The following RHBDF2 variants were observed in gnomAD, a reference collection of about 807,000 sequenced individuals.
The protein encoded by RHBDF2 is inactive rhomboid protein 2.
A neutral mutation model predicts 95.2 loss-of-function variants in RHBDF2; 38 were observed. The ratio of observed to expected loss-of-function variants is 0.40; its 90% CI spans 0.31 to 0.52. RHBDF2 has a LOEUF of 0.52. Ranked by LOEUF, RHBDF2 falls within the 20% of genes least tolerant of loss-of-function variation. RHBDF2 has a pLI of 0.56. For missense variants in RHBDF2, 863 were observed against 1,137.7 expected, an observed-to-expected ratio of 0.76 and a Z score of 3.47; for synonymous variants, 442 against 462.0, an observed-to-expected ratio of 0.96 and a Z score of 0.55.
Position 76,489,019 on chromosome 17 carries a change from G to A in RHBDF2, c.-219-1110C>T, listed in dbSNP as rs112829204. Among the ~76,000 whole-genome samples, 1,006 of 149,480 alleles carry A rather than the reference G, an allele frequency of 6.7e-3. 3 individuals carry two copies. Among genetic ancestry groups the A allele is most frequent in the African/African-American group, 0.023 (941 of 40,548 alleles). On this transcript the variant is annotated intron_variant, in intron 1 of 18. Coordinates refer to ENST00000675367, the MANE Select transcript of RHBDF2 (RefSeq NM_001005498.4). Reference sequence around the variant, plus strand: ...GGTGGGCCTGTAATCCCAGCTACTCGGGAGGCTGAGGCAGGAGAGTTACTT... The same window carrying A: ...GGTGGGCCTGTAATCCCAGCTACTCAGGAGGCTGAGGCAGGAGAGTTACTT...
chr17:76,476,537 G>C, intron 9 of RHBDF2: 1 of 381,972 alleles, frequency 2.6e-6, no homozygotes, highest in South Asian at 3.8e-5. Flanking sequence ...TTTAGGGCCT[G>C]CAGGCAGTGA....
Position 76,471,550 on chromosome 17 carries a change from C to T in RHBDF2, c.*83G>A. On this transcript the variant is annotated 3_prime_UTR_variant, in exon 19 of 19. Transcript: ENST00000675367. Reference sequence around the variant, plus strand: ...GTCTTGGGTCTCTGGCTCTCTGGCACACAGAGAGCGCTCTGCAGAGGGCAG... The same window carrying T: ...GTCTTGGGTCTCTGGCTCTCTGGCATACAGAGAGCGCTCTGCAGAGGGCAG... The T allele has an allele frequency of 2.1e-6, 3 of 1,404,312 alleles. No individual in the cohort carries two copies. The highest frequency in any genetic ancestry group is 2.8e-6 in the Non-Finnish European group (3 of 1,054,484). 87.0% of individuals were successfully genotyped at this position (1,404,312 alleles called of 1,614,324 possible). A position where few individuals can be genotyped will look rare whatever the true frequency, so the allele number is the denominator to read the frequency against.
chr17:76,473,022 A>G lies in RHBDF2; in HGVS notation c.1893T>C (p.Ser631=). The part of the protein sequence containing the change: ...VPDQFYRLWL[S]LFLHAGVVHC... ...CCTCTTACCCAGCATGTAGGAAGAG[A>G]GACAGCCAGAGCCTGTAGAACTGAT... Residue 631 remains serine, a synonymous_variant, in exon 17 of 19, where the codon TCT becomes TCC. Coordinates refer to ENST00000675367, the MANE Select transcript of RHBDF2 (RefSeq NM_001005498.4). The G allele has an allele frequency of 6.2e-7, 1 of 1,613,800 alleles. No individual in the cohort carries two copies. Among genetic ancestry groups the G allele is most frequent in the Non-Finnish European group, 8.5e-7 (1 of 1,179,710 alleles).
At chr17:76,481,250 C>A (rs970813946) in intron 3 of RHBDF2, 125 bp downstream of exon 3, 58 of 1,131,682 alleles carry the variant, frequency 5.1e-5, no homozygotes, top group South Asian at 1.6e-4. Context: ...GAGTCAAGGG[C>A]TGCACAGACA....
chr17:76,482,642 G>A (rs1210200724), intron 2 of RHBDF2, among the ~76,000 whole-genome samples: 8 of 151,968 alleles, frequency 5.3e-5, no homozygotes, highest in Non-Finnish European at 1.0e-4. Flanking sequence ...GTGTGGTGGC[G>A]CATGCCTATA....
chr17:76,479,643 A>T, intron 4 of RHBDF2, 90 bp downstream of exon 4: 1 of 971,608 alleles, frequency 1.0e-6, no homozygotes, highest in Non-Finnish European at 1.6e-6. Flanking sequence ...CAGAGAGGGG[A>T]CGCAGGGACC....
In RHBDF2 at chr17:76,473,415, A is replaced by G. The variant is rs2073654018; in HGVS notation, c.1734-88T>C. The stretch of plus-strand genomic sequence containing the variant: ...CCAGAGCCCAGCACCTGGCTACAGG[A>G]GGCATCGCTGGCAGGAAGGGGGATG... On this transcript the variant is annotated intron_variant, in intron 15 of 18. Transcript: ENST00000675367. The G allele has an allele frequency of 2.4e-6, 3 of 1,264,402 alleles. No homozygotes were observed. In the South Asian group the frequency reaches 3.8e-5, roughly 16 times the overall value. 78.3% of individuals were successfully genotyped at this position (1,264,402 alleles called of 1,614,324 possible).
Position 76,474,797 on chromosome 17 carries a change from C to T in RHBDF2, c.1235G>A (p.Arg412Gln), listed in dbSNP as rs377416669. Residue 412 changes from arginine (R) to glutamine (Q), a missense_variant, in exon 11 of 19, where the codon CGG becomes CAG. Arg to Gln is a conservative substitution (Grantham distance 43). Coordinates refer to ENST00000675367, the MANE Select transcript of RHBDF2 (RefSeq NM_001005498.4). ...AQHVTTQLVL[R>Q]NKGVYESVKY... ...CACGCTCTCGTACACACCTTTGTTC[C>T]GCAGCACCTATCGTGGAGGTAGCAC... The T allele has an allele frequency of 7.4e-6, 12 of 1,613,940 alleles. No individual in the cohort carries two copies. The highest frequency in any genetic ancestry group is 4.4e-5 in the South Asian group (4 of 91,056).
At chr17:76,473,128 C>T (rs1310758592) in intron 16 of RHBDF2, 23 bp from the exon 17 acceptor site, 1 of 1,605,810 alleles carries the variant, frequency 6.2e-7, no homozygotes, top group Non-Finnish European at 8.5e-7. Context: ...ATATGGTGCT[C>T]AGCGCCCCAG....
chr17:76,472,902 G>A, intron 17 of RHBDF2, 63 bp from the exon 18 acceptor site: 1 of 1,578,424 alleles, frequency 6.3e-7, no homozygotes, highest in Non-Finnish European at 8.6e-7. Flanking sequence ...GTAGGCTTCG[G>A]CAGGTTGGGC....
At chr17:76,478,680 C>T in intron 6 of RHBDF2, 126 bp downstream of exon 6, 1 of 794,922 alleles carries the variant, frequency 1.3e-6, no homozygotes, top group South Asian at 1.9e-5. Flanking sequence ...AGCACATCCA[C>T]TGTCCTTGGC....
At chr17:76,497,909 C>T (rs923955511) in intron 1 of RHBDF2, among the ~76,000 whole-genome samples, 1 of 152,102 alleles carries the variant, frequency 6.6e-6, no homozygotes, top group African/African-American at 2.4e-5. Flanking sequence ...GTGTCTCTGG[C>T]CCACCTCCTG....
rs74796867 is a variant in RHBDF2, at chr17:76,496,520, T to C, written c.-220+4833A>G. On this transcript the variant is annotated intron_variant, in intron 1 of 18. Transcript: ENST00000675367. ...GTGTTTGGGGTGCTGGAGTGAGTCC[T>C]GCATGCAAAGGCCTTTGATTCATGA... Among the ~76,000 whole-genome samples, 521 of 152,354 alleles carry C rather than the reference T, an allele frequency of 3.4e-3. 3 individuals carry two copies. Among genetic ancestry groups the C allele is most frequent in the African/African-American group, 0.012 (482 of 41,588 alleles).
At chr17:76,496,550 G>C (rs1376957294) in intron 1 of RHBDF2, among the ~76,000 whole-genome samples, 1 of 152,230 alleles carries the variant, frequency 6.6e-6, no homozygotes, top group Non-Finnish European at 1.5e-5. Context: ...TCATGAAGAA[G>C]GGACAGCACC....
rs566426627 is a variant in RHBDF2, at chr17:76,472,135, TC to T, written c.2065-84del. 1.8e-4 allele frequency: 249 copies of T among 1,352,922 alleles called. 1 individual carries two copies. In the Middle Eastern group the frequency reaches 2.0e-3, roughly 11 times the overall value. 83.8% of individuals were successfully genotyped at this position (1,352,922 alleles called of 1,614,324 possible). A position where few individuals can be genotyped will look rare whatever the true frequency, so the allele number is the denominator to read the frequency against. On this transcript the variant is annotated intron_variant, in intron 18 of 18. Transcript: ENST00000675367. ...CCTGCACCCTGGGTCATCCCATCGA[TC>T]AGCTCCTCCCTGGCAGGCATGGGGA...
intron 2 of RHBDF2, among the ~76,000 whole-genome samples, chr17:76,483,905 T>A (rs929621450): frequency 2.0e-5 from 3 of 152,164 alleles, no homozygotes; most frequent in African/African-American, 4.8e-5. Flanking sequence ...ATTAACACCC[T>A]CTGCCTGTTT....
At chr17:76,480,848 C>A (rs1415370880) in intron 3 of RHBDF2, among the ~76,000 whole-genome samples, 8 of 152,204 alleles carry the variant, frequency 5.3e-5, no homozygotes, top group African/African-American at 1.9e-4. Context: ...GTTAACATCG[C>A]TTCCCTTTAT....
intron 2 of RHBDF2, among the ~76,000 whole-genome samples, chr17:76,486,158 G>C (rs1297627778): frequency 1.3e-5 from 2 of 151,996 alleles, no homozygotes; most frequent in Non-Finnish European, 2.9e-5. Flanking sequence ...ACCCAGGCTA[G>C]AGCGCAGTGG....
At chr17:76,475,228 T>C in intron 9 of RHBDF2, 87 bp from the exon 10 acceptor site, 1 of 904,970 alleles carries the variant, frequency 1.1e-6, no homozygotes. Flanking sequence ...CCTGGTCACA[T>C]GGCTCGCCTG....
Sources: allele counts gnomAD v4.1 joint callset (sites outside exome capture counted in the v4.1 genomes callset), GRCh38; gene constraint gnomAD v4.1.1; transcripts MANE v1.5; gene names NCBI Gene and HGNC (gene_info 2026-07-23, HGNC 2026-07-21).